The following AP3B1 variants were observed in gnomAD, a reference collection of about 807,000 sequenced individuals.
The protein encoded by AP3B1 is AP-3 complex subunit beta-1.
Under a neutral mutation model 132.5 loss-of-function variants are expected in AP3B1, and 61 were observed. The ratio of observed to expected loss-of-function variants is 0.46; its 90% CI spans 0.37 to 0.57. The LOEUF is 0.57. AP3B1 is among the 20% of genes least tolerant of loss of function. The pLI, the probability that AP3B1 is intolerant of heterozygous loss-of-function variation, is 0.00. For synonymous variants in AP3B1, 388 were observed against 438.3 expected (o/e 0.89, Z 1.43); for missense variants, 1,120 against 1,289.4 (o/e 0.87, Z 2.01).
intron 22 of AP3B1, among the ~76,000 whole-genome samples, chr5:78,067,213 G>T (rs1749329815): frequency 6.6e-6 from 1 of 152,146 alleles, no homozygotes; most frequent in South Asian, 2.1e-4. Flanking sequence ...TCAACAAGAA[G>T]AGCTAATTAA....
At chr5:78,158,754 T>C (rs896545327) in intron 13 of AP3B1, among the ~76,000 whole-genome samples, 2 of 151,878 alleles carry the variant, frequency 1.3e-5, no homozygotes, top group Non-Finnish European at 2.9e-5. Context: ...TGGAGTGCAG[T>C]GGCGCAATCT....
intron 1 of AP3B1, 120 bp from the exon 2 acceptor site, chr5:78,267,715 A>G: frequency 3.3e-6 from 2 of 612,362 alleles, no homozygotes; most frequent in Non-Finnish European, 5.5e-6. Context: ...AACTGCAGCA[A>G]GAAGGTGGCC....
intron 14 of AP3B1, among the ~76,000 whole-genome samples, chr5:78,146,450 G>A (rs1753399668): frequency 6.6e-6 from 1 of 152,148 alleles, no homozygotes; most frequent in Non-Finnish European, 1.5e-5. Context: ...GTTCAAATGT[G>A]TGCTGTAGAA....
intron 2 of AP3B1, among the ~76,000 whole-genome samples, chr5:78,263,197 T>C (rs187514313): frequency 6.6e-6 from 1 of 152,310 alleles, no homozygotes; most frequent in South Asian, 2.1e-4. Context: ...TTCTCAGTAA[T>C]GTTTCAGTGT....
At chr5:78,009,787 A>AG (rs3834263) in intron 26 of AP3B1, among the ~76,000 whole-genome samples, 4,284 of 52,650 alleles carry the variant, frequency 0.081, 159 homozygotes, top group East Asian at 0.34. Flanking sequence ...GGGGTGGGGG[A>AG]GGGGGAGAGG....
At chr5:78,163,454 A>T (rs1487259947) in intron 12 of AP3B1, among the ~76,000 whole-genome samples, 2 of 152,084 alleles carry the variant, frequency 1.3e-5, no homozygotes, top group Admixed American at 1.3e-4. Flanking sequence ...TAAAAGAATA[A>T]TAGTTACGGT....
chr5:78,264,305 G>A (rs971939306), intron 2 of AP3B1, among the ~76,000 whole-genome samples: 2 of 152,078 alleles, frequency 1.3e-5, no homozygotes, highest in Non-Finnish European at 2.9e-5. Flanking sequence ...TGAGATAAAA[G>A]TTCAGAATTT....
chr5:78,032,674 C>A (rs1255708899), intron 24 of AP3B1, among the ~76,000 whole-genome samples: 2 of 151,684 alleles, frequency 1.3e-5, no homozygotes, highest in Non-Finnish European at 2.9e-5. Flanking sequence ...AGACAAAGTG[C>A]TCTTTTTGGA....
intron 3 of AP3B1, among the ~76,000 whole-genome samples, chr5:78,237,080 C>T (rs1314965340): frequency 6.6e-6 from 1 of 152,164 alleles, no homozygotes; most frequent in African/African-American, 2.4e-5. Flanking sequence ...AAACTGGCCA[C>T]AAGAATACAA....
chr5:78,083,202 T>C (rs1750091617), intron 22 of AP3B1, among the ~76,000 whole-genome samples: 1 of 152,186 alleles, frequency 6.6e-6, no homozygotes, highest in South Asian at 2.1e-4. Flanking sequence ...ATAAATATAT[T>C]TTCTTACACA....
chr5:78,012,859 T>C (rs746591229), intron 26 of AP3B1, among the ~76,000 whole-genome samples: 8 of 152,244 alleles, frequency 5.3e-5, no homozygotes, highest in African/African-American at 1.4e-4. Flanking sequence ...TGAGAATTGA[T>C]TGTAATTTTA....
chr5:78,258,670 G>A (rs1747949947), intron 2 of AP3B1, among the ~76,000 whole-genome samples: 1 of 152,222 alleles, frequency 6.6e-6, no homozygotes. Flanking sequence ...GCTACCACAT[G>A]ACCCAGCAAT....
chr5:78,130,360 T>C (rs1752635035), intron 15 of AP3B1, among the ~76,000 whole-genome samples: 1 of 152,066 alleles, frequency 6.6e-6, no homozygotes, highest in Admixed American at 6.6e-5. Flanking sequence ...AAGACAATTC[T>C]AGAACAATAA....
intron 2 of AP3B1, among the ~76,000 whole-genome samples, chr5:78,245,032 C>A (rs1485332579): frequency 2.6e-5 from 4 of 151,636 alleles, no homozygotes; most frequent in African/African-American, 9.7e-5. Flanking sequence ...GTGTTGGGGA[C>A]CAGCCTCAAA....
At chr5:78,168,398 T>C (rs1000517192) in intron 11 of AP3B1, among the ~76,000 whole-genome samples, 2 of 151,664 alleles carry the variant, frequency 1.3e-5, no homozygotes, top group Non-Finnish European at 2.9e-5. Flanking sequence ...TTATTTTAAA[T>C]TTTTTTGTAG....
intron 26 of AP3B1, among the ~76,000 whole-genome samples, chr5:78,005,358 T>C (rs1379397584): frequency 6.6e-6 from 1 of 152,224 alleles, no homozygotes; most frequent in African/African-American, 2.4e-5. Context: ...GCACATTTTG[T>C]CTCTTTTCTA....
At chr5:78,280,109 A>G (rs945352450) in intron 1 of AP3B1, among the ~76,000 whole-genome samples, 2 of 150,488 alleles carry the variant, frequency 1.3e-5, no homozygotes, top group Admixed American at 6.6e-5. Flanking sequence ...CAAGAACTAT[A>G]AAGTAATACC....
Position 78,094,027 on chromosome 5 carries a change from G to A in AP3B1, c.2471-4528C>T, listed in dbSNP as rs561370293. On this transcript the variant is annotated intron_variant, in intron 21 of 26. Transcript: ENST00000255194. ...ATATCACATATCATAAGGCTTATTTGAAGTATGATTATTGTTGGCTGACAG... is the reference window on the plus strand; with the variant it reads ...ATATCACATATCATAAGGCTTATTTAAAGTATGATTATTGTTGGCTGACAG... Among the ~76,000 whole-genome samples, 11 of 152,316 alleles carry A rather than the reference G, an allele frequency of 7.2e-5. No homozygotes were observed. The East Asian group carries it at 2.1e-3, about 29-fold the overall frequency.
intron 11 of AP3B1, among the ~76,000 whole-genome samples, chr5:78,169,613 A>T (rs549374581): frequency 3.3e-5 from 5 of 152,148 alleles, no homozygotes; most frequent in African/African-American, 4.8e-5. Flanking sequence ...TTTTTTAAAG[A>T]GACAGAGTCT....
Sources: allele counts gnomAD v4.1 joint callset (sites outside exome capture counted in the v4.1 genomes callset), GRCh38; gene constraint gnomAD v4.1.1; transcripts MANE v1.5; gene names NCBI Gene and HGNC (gene_info 2026-07-23, HGNC 2026-07-21).